Variants in SFRP5 observed in about 807,000 individuals in gnomAD.
The protein encoded by SFRP5 is secreted frizzled related protein 5.
In SFRP5, 22 loss-of-function variants were observed where a neutral mutation model predicts 27.0. The observed-to-expected ratio is 0.82, with a 90% confidence interval of 0.58 to 1.17. SFRP5 has a LOEUF of 1.17. Ranked by LOEUF, SFRP5 falls within the 50% of genes most tolerant of loss-of-function variation. The pLI, the probability that SFRP5 is intolerant of heterozygous loss-of-function variation, is 0.00. For missense variants in SFRP5, 406 were observed against 436.6 expected (o/e 0.93, Z 0.63); for synonymous variants, 171 against 195.0 (o/e 0.88, Z 1.03).
At chr10:97,768,273 TC>T (rs1365683529) in intron 2 of SFRP5, among the ~76,000 whole-genome samples, 1 of 152,068 alleles carries the variant, frequency 6.6e-6, no homozygotes, top group Non-Finnish European at 1.5e-5. Context: ...AAGCTGGACT[TC>T]CTGATCTCTG....
chr10:97,770,216 T>C (rs2049507090), intron 1 of SFRP5, among the ~76,000 whole-genome samples: 1 of 152,194 alleles, frequency 6.6e-6, no homozygotes, highest in African/African-American at 2.4e-5. Flanking sequence ...ATTACAGGCG[T>C]GTGCCACCAC....
intron 2 of SFRP5, 31 bp from the exon 3 acceptor site, chr10:97,767,891 G>A (rs759244448): frequency 4.1e-6 from 6 of 1,476,194 alleles, no homozygotes; most frequent in Non-Finnish European, 5.5e-6. Context: ...GGCAAGTTGG[G>A]AATGGTCAGA....
chr10:97,768,658 G>A (rs981901463), intron 2 of SFRP5, among the ~76,000 whole-genome samples: 5 of 152,070 alleles, frequency 3.3e-5, no homozygotes, highest in African/African-American at 1.2e-4. Flanking sequence ...GTGGCTGGAG[G>A]CACTGAGACC....
In SFRP5 at chr10:97,771,070, A is replaced by C. The variant is rs1275053347; in HGVS notation, c.529+235T>G. Among the ~76,000 whole-genome samples, 1 of 151,958 alleles carries C rather than the reference A, an allele frequency of 6.6e-6. No homozygotes were observed. The highest frequency in any genetic ancestry group is 1.5e-5 in the Non-Finnish European group (1 of 67,996). ...GTGCCAGGGGTTTCCAGGGAACGAG[A>C]GCCAGAGGGAAGGTCTGGAGCCGCC... is the stretch of plus-strand genomic sequence containing the variant. On this transcript the variant is annotated intron_variant, in intron 1 of 2. Coordinates refer to ENST00000266066, the MANE Select transcript of SFRP5 (RefSeq NM_003015.3). The surrounding 1 kb of genome is among the most constrained non-coding windows in gnomAD (Gnocchi z 5.2).
Position 97,767,360 on chromosome 10 carries a change from A to C in SFRP5, c.*154T>G. On this transcript the variant is annotated 3_prime_UTR_variant, in exon 3 of 3. Coordinates refer to ENST00000266066, the MANE Select transcript of SFRP5 (RefSeq NM_003015.3). Reference sequence around the variant, plus strand: ...AGGGACCCCAGGACCCCTGGGTCAAAAAGGACAGCCTGGGCTCCGTGCCCA... The same window carrying C: ...AGGGACCCCAGGACCCCTGGGTCAACAAGGACAGCCTGGGCTCCGTGCCCA... 1.7e-6 allele frequency: 1 copy of C among 604,814 alleles called. No homozygotes were observed. The highest frequency in any genetic ancestry group is 1.9e-5 in the African/African-American group (1 of 53,828). 37.5% of individuals were successfully genotyped at this position (604,814 alleles called of 1,614,324 possible).
rs984878134 is a variant in SFRP5, at chr10:97,771,261, T to C, written c.529+44A>G. 3 of 1,356,348 alleles carry C rather than the reference T, an allele frequency of 2.2e-6. No individual in the cohort carries two copies. Among genetic ancestry groups the C allele is most frequent in the African/African-American group, 2.9e-5 (2 of 67,918 alleles). The allele number at this position is 1,356,348 out of a possible 1,614,324, so 84.0% of individuals were successfully genotyped here. On this transcript the variant is annotated intron_variant, in intron 1 of 2. Transcript: ENST00000266066. The surrounding 1 kb of genome is among the most constrained non-coding windows in gnomAD (Gnocchi z 5.2). ...GTTCGCAGAGCTGTGCTAGGGGAGC[T>C]GCAGGGCCGTCGGAGCGCGCGGGGA...
intron 2 of SFRP5, 92 bp downstream of exon 2, chr10:97,769,576 T>A: frequency 1.2e-6 from 1 of 837,050 alleles, no homozygotes. Context: ...GGATTCACTG[T>A]GATGGATGTG....
At chr10:97,769,586 G>T in intron 2 of SFRP5, 82 bp downstream of exon 2, 3 of 902,558 alleles carry the variant, frequency 3.3e-6, no homozygotes, top group Non-Finnish European at 5.4e-6. Context: ...TGATGGATGT[G>T]GGCATGTATG....
intron 2 of SFRP5, among the ~76,000 whole-genome samples, chr10:97,768,109 G>A (rs2049496091): frequency 6.6e-6 from 1 of 151,958 alleles, no homozygotes; most frequent in Non-Finnish European, 1.5e-5. Context: ...GAGAGCTTGT[G>A]ACCTGCGTGA....
rs1017765343 is a variant in SFRP5 at position 97,771,912 on chromosome 10, C to T, written c.-79G>A. 3.8e-5 allele frequency: 37 copies of T among 963,906 alleles called. No homozygotes were observed. In the African/African-American group the frequency reaches 6.7e-4, roughly 17 times the overall value. 59.7% of individuals were successfully genotyped at this position (963,906 alleles called of 1,614,324 possible). ...GCGGCCCAGGTGTTCCGGCGTGCGC[C>T]CCCGGCCCTGACTCTACCCAGCCGC... On this transcript the variant is annotated 5_prime_UTR_variant, in exon 1 of 3. Coordinates refer to ENST00000266066, the MANE Select transcript of SFRP5 (RefSeq NM_003015.3). This position sits in a 1 kb window ranked among gnomAD's most constrained non-coding sequence, Gnocchi z 5.2.
Position 97,771,174 on chromosome 10 carries a change from T to C in SFRP5, c.529+131A>G, listed in dbSNP as rs998965344. The C allele has an allele frequency of 2.6e-5, 15 of 579,408 alleles. No individual in the cohort carries two copies. The highest frequency in any genetic ancestry group is 4.6e-4 in the Middle Eastern group (1 of 2,182). The allele number at this position is 579,408 out of a possible 1,614,324, so 35.9% of individuals were successfully genotyped here. A position where few individuals can be genotyped will look rare whatever the true frequency, so the allele number is the denominator to read the frequency against. Reference sequence around the variant, plus strand: ...GGGGATAATTCCGGGGACGCTGGGCTGAGCTAGGACAGCGTGTGTGTGTGT... The same window carrying C: ...GGGGATAATTCCGGGGACGCTGGGCCGAGCTAGGACAGCGTGTGTGTGTGT... On this transcript the variant is annotated intron_variant, in intron 1 of 2. Coordinates refer to ENST00000266066, the MANE Select transcript of SFRP5 (RefSeq NM_003015.3). This position sits in a 1 kb window ranked among gnomAD's most constrained non-coding sequence, Gnocchi z 5.2.
Position 97,771,932 on chromosome 10 carries a change from A to AGCC in SFRP5, c.-102_-100dup, listed in dbSNP as rs372535710. ...TGCGCCCCCGGCCCTGACTCTACCCAGCCGCCGCCGCCGCCGCCGCGGAGG... is the reference window on the plus strand; with the variant it reads ...TGCGCCCCCGGCCCTGACTCTACCCAGCCGCCGCCGCCGCCGCCGCCGCGGAGG... On this transcript the variant is annotated 5_prime_UTR_variant, in exon 1 of 3. Transcript: ENST00000266066. The surrounding 1 kb of genome is among the most constrained non-coding windows in gnomAD (Gnocchi z 5.2). 1.4e-4 allele frequency: 119 copies of AGCC among 822,248 alleles called. No individual in the cohort carries two copies. The highest frequency in any genetic ancestry group is 6.1e-4 in the Middle Eastern group (1 of 1,632). The allele number at this position is 822,248 out of a possible 1,614,324, so 50.9% of individuals were successfully genotyped here.
chr10:97,768,139 C>T (rs1411249252), intron 2 of SFRP5, among the ~76,000 whole-genome samples: 1 of 152,114 alleles, frequency 6.6e-6, no homozygotes, highest in African/African-American at 2.4e-5. Context: ...CCAAGCCCTT[C>T]TGAGACACCA....
At position 97,771,739 on chromosome 10, in the gene SFRP5, T is replaced by C. The variant is rs1162063163; in HGVS notation, c.95A>G (p.Tyr32Cys). The C allele has an allele frequency of 6.3e-7, 1 of 1,594,346 alleles. No homozygotes were observed. Among genetic ancestry groups the C allele is most frequent in the Non-Finnish European group, 8.5e-7 (1 of 1,178,584 alleles). The change falls in exon 1 of 3, where the codon TAC (tyrosine) becomes TGC (cysteine). Residue 32 changes from tyrosine to cysteine, a missense_variant. Tyr to Cys is a radical substitution (Grantham distance 194). Transcript: ENST00000266066. The surrounding 1 kb of genome is among the most constrained non-coding windows in gnomAD (Gnocchi z 5.2). ...LHWAPARCEE[Y>C]DYYGWQAEPL... The stretch of plus-strand genomic sequence containing the variant: ...CTCGGCCTGCCAGCCATAGTAGTCG[T>C]ACTCCTCGCAGCGCGCCGGCGCCCA...
rs1445489231 is a variant in SFRP5, at chr10:97,771,282, G to A, written c.529+23C>T. The A allele has an allele frequency of 6.7e-7, 1 of 1,500,134 alleles. No individual in the cohort carries two copies. The highest frequency in any genetic ancestry group is 8.9e-7 in the Non-Finnish European group (1 of 1,119,338). 92.9% of individuals were successfully genotyped at this position (1,500,134 alleles called of 1,614,324 possible). The stretch of plus-strand genomic sequence containing the variant: ...GAGCTGCAGGGCCGTCGGAGCGCGC[G>A]GGGACGGCGGCGGCGGCGCTACCTG... On this transcript the variant is annotated intron_variant, in intron 1 of 2. Transcript: ENST00000266066. This position sits in a 1 kb window ranked among gnomAD's most constrained non-coding sequence, Gnocchi z 5.2.
chr10:97,767,621 G>A lies in SFRP5; in HGVS notation c.847C>T (p.Arg283Cys), dbSNP rs199759966. The A allele has an allele frequency of 1.7e-5, 27 of 1,613,878 alleles. No individual in the cohort carries two copies. The highest frequency in any genetic ancestry group is 1.6e-4 in the Middle Eastern group (1 of 6,062). The change falls in exon 3 of 3, where the codon CGC (arginine) becomes TGC (cysteine). Residue 283 changes from arginine (R) to cysteine (C), a missense_variant. Transcript: ENST00000266066. ...DGQLLLMAVY[R>C]WDKKNKEMKF... ...ATCTCCTTATTCTTCTTGTCCCAGC[G>A]GTAGACGGCCATGAGCAGCAGCTGT...
chr10:97,769,140 G>C (rs954878480), intron 2 of SFRP5, among the ~76,000 whole-genome samples: 2 of 152,346 alleles, frequency 1.3e-5, no homozygotes, highest in East Asian at 3.9e-4. Flanking sequence ...GCCCATGTGT[G>C]AGCCAGGTCC....
intron 2 of SFRP5, 115 bp from the exon 3 acceptor site, chr10:97,767,975 G>A (rs2049495097): frequency 2.9e-6 from 2 of 700,810 alleles, no homozygotes; most frequent in Non-Finnish European, 4.7e-6. Flanking sequence ...GATGCCCTGC[G>A]GGGCTTGGAA....
Position 97,767,770 on chromosome 10 carries a change from C to T in SFRP5, c.698G>A (p.Gly233Asp), listed in dbSNP as rs1464018730. The T allele has an allele frequency of 1.3e-6, 2 of 1,586,354 alleles. No individual in the cohort carries two copies. Among genetic ancestry groups the T allele is most frequent in the East Asian group, 2.2e-5 (1 of 44,564 alleles). Residue 233 changes from glycine (G) to aspartate (D), a missense_variant, in exon 3 of 3, where the codon GGC (glycine) becomes GAC (aspartate). Transcript: ENST00000266066. ...AQKKKKLLKP[G>D]PLKRKDTKRL... ...CTTGGTGTCCTTGCGCTTCAGGGGG[C>T]CCGGCTTGAGCAGCTTCTTCTTTTT...
Sources: allele counts gnomAD v4.1 joint callset (sites outside exome capture counted in the v4.1 genomes callset), GRCh38; gene constraint gnomAD v4.1.1; non-coding constraint Gnocchi (gnomAD v3.1); transcripts MANE v1.5; gene names NCBI Gene and HGNC (gene_info 2026-07-23, HGNC 2026-07-21).